The following DOCK1 variants were observed in gnomAD, a reference collection of about 807,000 sequenced individuals.
DOCK1 encodes the protein dedicator of cytokinesis 1, also known as dedicator of cytokinesis protein 1.
Under a neutral mutation model 262.7 loss-of-function variants are expected in DOCK1, and 138 were observed. The ratio of observed to expected loss-of-function variants is 0.53; its 90% CI spans 0.46 to 0.61. The LOEUF (loss-of-function observed/expected upper bound fraction) is 0.61, where lower values mean the gene tolerates loss of function less well. Ranked by LOEUF, DOCK1 falls within the 20% of genes least tolerant of loss-of-function variation. The probability of loss-of-function intolerance (pLI) is 0.00; values close to 1 mark genes in which losing one functional copy is unlikely to be tolerated. For synonymous variants in DOCK1, 866 were observed against 867.4 expected, an observed-to-expected ratio of 1.00 and a Z score of 0.03; for missense variants, 1,908 against 2,370.7, an observed-to-expected ratio of 0.80 and a Z score of 4.05.
At chr10:127,417,319 T>C (rs2068217905) in intron 44 of DOCK1, among the ~76,000 whole-genome samples, 1 of 152,186 alleles carries the variant, frequency 6.6e-6, no homozygotes. Flanking sequence ...CCCAGCCACG[T>C]TGCCCTGGCA....
At chr10:127,103,419 G>A (rs572098134) in intron 23 of DOCK1, among the ~76,000 whole-genome samples, 7 of 152,258 alleles carry the variant, frequency 4.6e-5, no homozygotes, top group African/African-American at 1.4e-4. Context: ...TAAGGTTTTC[G>A]GAGCAGGCCT....
intron 1 of DOCK1, among the ~76,000 whole-genome samples, chr10:126,912,154 C>A (rs1020042213): frequency 7.9e-5 from 12 of 152,164 alleles, no homozygotes; most frequent in African/African-American, 2.9e-4. Context: ...TATGGCCAGC[C>A]TCGGTGGCTC....
chr10:127,138,313 T>A (rs891059375), intron 27 of DOCK1, among the ~76,000 whole-genome samples: 1 of 152,134 alleles, frequency 6.6e-6, no homozygotes, highest in Non-Finnish European at 1.5e-5. Context: ...GAAATATGAA[T>A]AACCCCATTG....
intron 27 of DOCK1, among the ~76,000 whole-genome samples, chr10:127,183,071 CTTTT>C (rs3066813): frequency 0.011 from 1,000 of 88,628 alleles, 3 homozygotes; most frequent in African/African-American, 0.014. Flanking sequence ...TATGGTGAAT[CTTTT>C]TTTTTTTTTT....
intron 27 of DOCK1, among the ~76,000 whole-genome samples, chr10:127,153,233 T>G (rs1892137): frequency 6.6e-6 from 1 of 152,152 alleles, no homozygotes; most frequent in Non-Finnish European, 1.5e-5. Flanking sequence ...GTTTTGACTA[T>G]ATCTTAAAAT....
chr10:126,982,085 C>T, intron 4 of DOCK1, 112 bp downstream of exon 4: 1 of 1,155,944 alleles, frequency 8.7e-7, no homozygotes, highest in Non-Finnish European at 1.3e-6. Flanking sequence ...GTGTGATTGA[C>T]TCCTGGGGGA....
intron 1 of DOCK1, among the ~76,000 whole-genome samples, chr10:126,927,626 G>A (rs1287324546): frequency 6.6e-6 from 1 of 152,070 alleles, no homozygotes; most frequent in African/African-American, 2.4e-5. Flanking sequence ...TAGTAGAGAC[G>A]GGGTTTCATC....
At chr10:126,949,160 G>T (rs1480149653) in intron 1 of DOCK1, among the ~76,000 whole-genome samples, 1 of 152,066 alleles carries the variant, frequency 6.6e-6, no homozygotes, top group Non-Finnish European at 1.5e-5. Flanking sequence ...CTTGTTTGCT[G>T]ATCCATCTCC....
chr10:127,139,139 G>A (rs1252978908), intron 27 of DOCK1, among the ~76,000 whole-genome samples: 3 of 152,212 alleles, frequency 2.0e-5, no homozygotes, highest in South Asian at 2.1e-4. Flanking sequence ...AAGGCTCAGC[G>A]TTGATGATAA....
At chr10:126,970,882 A>G in intron 2 of DOCK1, 97 bp downstream of exon 2, 1 of 1,359,012 alleles carries the variant, frequency 7.4e-7, no homozygotes, top group South Asian at 1.4e-5. Context: ...TTACAGACAC[A>G]TAAGACAGTC....
intron 27 of DOCK1, among the ~76,000 whole-genome samples, chr10:127,149,670 C>T (rs1288532255): frequency 1.3e-5 from 2 of 150,700 alleles, no homozygotes; most frequent in Non-Finnish European, 3.0e-5. Context: ...AAATTCATTT[C>T]CCTCCAGGGC....
At chr10:127,023,084 A>T in intron 13 of DOCK1, 116 bp from the exon 14 acceptor site, 1 of 1,181,770 alleles carries the variant, frequency 8.5e-7, no homozygotes, top group African/African-American at 1.6e-5. Context: ...ATATTTCATA[A>T]TCATCTAATA....
chr10:127,249,522 G>A (rs940935754), intron 28 of DOCK1, among the ~76,000 whole-genome samples: 2 of 152,020 alleles, frequency 1.3e-5, no homozygotes, highest in African/African-American at 4.8e-5. Context: ...TCATCATTGT[G>A]CAAGCCTCAT....
rs539728638 is a variant in DOCK1, at chr10:127,066,416, C to T, written c.2445+4640C>T. ...GACCTGCCCCTTTTTTCCTTGGCAT[C>T]TCTTTTGGTGTTTTCCTGAAACTCC... On this transcript the variant is annotated intron_variant, in intron 23 of 51. Coordinates refer to ENST00000623213, the MANE Select transcript of DOCK1 (RefSeq NM_001290223.2). 6.6e-5 allele frequency among the ~76,000 whole-genome samples: 10 copies of T among 152,242 alleles called. No homozygotes were observed. The South Asian group carries it at 1.2e-3, about 19-fold the overall frequency.
intron 1 of DOCK1, among the ~76,000 whole-genome samples, chr10:126,937,961 A>G (rs2034667566): frequency 6.6e-6 from 1 of 152,100 alleles, no homozygotes; most frequent in Non-Finnish European, 1.5e-5. Flanking sequence ...GTTTCCTGCT[A>G]AGAGTTTTAC....
At chr10:126,978,690 A>G (rs914903050) in intron 3 of DOCK1, among the ~76,000 whole-genome samples, 5 of 152,162 alleles carry the variant, frequency 3.3e-5, no homozygotes, top group African/African-American at 4.8e-5. Context: ...ATGTTTTAAT[A>G]TCTAATTATG....
intron 27 of DOCK1, among the ~76,000 whole-genome samples, chr10:127,234,998 A>G (rs933379884): frequency 1.3e-4 from 19 of 148,446 alleles, no homozygotes; most frequent in Admixed American, 2.7e-4. Context: ...TACATATATA[A>G]TAAATACATA....
chr10:127,243,445 T>G (rs922055928), intron 27 of DOCK1, among the ~76,000 whole-genome samples: 1 of 152,132 alleles, frequency 6.6e-6, no homozygotes, highest in African/African-American at 2.4e-5. Context: ...CTACTGAGAC[T>G]CACTTCCACC....
chr10:127,265,338 G>C (rs564891382), intron 29 of DOCK1, among the ~76,000 whole-genome samples: 3 of 152,010 alleles, frequency 2.0e-5, no homozygotes, highest in African/African-American at 7.3e-5. Context: ...TTTGGAGTTT[G>C]TGAGATCATG....
Sources: gnomAD v4.1 joint callset for allele counts (sites outside exome capture counted in the v4.1 genomes callset) on GRCh38, gnomAD v4.1.1 for gene constraint, MANE v1.5 for transcripts, NCBI Gene and HGNC (gene_info 2026-07-23, HGNC 2026-07-21) for gene names.